PPP6R2: variants seen among roughly 807,000 people sequenced by gnomAD.
The protein encoded by PPP6R2 is serine/threonine-protein phosphatase 6 regulatory subunit 2.
A neutral mutation model predicts 100.2 loss-of-function variants in PPP6R2; 62 were observed. That is an observed-to-expected ratio of 0.62 (90% CI 0.50 to 0.76). The LOEUF (loss-of-function observed/expected upper bound fraction) is 0.76. Among genes scored for constraint, PPP6R2 ranks in the 30% least tolerant of loss-of-function variants. The probability of loss-of-function intolerance (pLI) is 0.00; values close to 1 mark genes in which losing one functional copy is unlikely to be tolerated. For missense variants in PPP6R2, 1,142 were observed against 1,276.3 expected, an observed-to-expected ratio of 0.89 and a Z score of 1.60; for synonymous variants, 525 against 514.7, an observed-to-expected ratio of 1.02 and a Z score of -0.27.
intron 22 of PPP6R2, 24 bp downstream of exon 22, chr22:50,441,050 G>A: frequency 6.6e-7 from 1 of 1,511,006 alleles, no homozygotes; most frequent in Non-Finnish European, 8.9e-7. Flanking sequence ...GGCGGGGGCG[G>A]GCCTGCCGGG....
rs182143622 is a variant in PPP6R2 at position 50,438,474 on chromosome 22, G to A, written c.1965-125G>A. 753 of 1,424,684 alleles carry A rather than the reference G, an allele frequency of 5.3e-4. 8 individuals are homozygous for A. The East Asian group carries it at 0.016, about 30-fold the overall frequency. The allele number at this position is 1,424,684 out of a possible 1,614,324, so 88.3% of individuals were successfully genotyped here. A position where few individuals can be genotyped will look rare whatever the true frequency, so the allele number is the denominator to read the frequency against. ...GGAGCCCAGAGCTGAGGCCTGGAGC[G>A]TCTCGTGCTCCTCTCTCGAGACGAT... On this transcript the variant is annotated intron_variant, in intron 18 of 23. Coordinates refer to ENST00000612753, the MANE Select transcript of PPP6R2 (RefSeq NM_001242898.2).
At chr22:50,424,555 A>G (rs2061801660) in intron 10 of PPP6R2, among the ~76,000 whole-genome samples, 1 of 150,682 alleles carries the variant, frequency 6.6e-6, no homozygotes, top group South Asian at 2.1e-4. Context: ...AGTTCTGGGC[A>G]CTGCTTTGGC....
In PPP6R2 at chr22:50,428,344, T is replaced by C. The variant is rs117231633; in HGVS notation, c.1126-2829T>C. ...GCTGCTTTTTTGTGTGTCAATTTTG[T>C]ATTCTAGAACTTTGCTGAATTCATT... On this transcript the variant is annotated intron_variant, in intron 10 of 23. Transcript: ENST00000612753. Among the ~76,000 whole-genome samples, 999 of 152,372 alleles carry C rather than the reference T, an allele frequency of 6.6e-3. 3 individuals are homozygous for C. Among genetic ancestry groups the C allele is most frequent in the South Asian group, 0.026 (125 of 4,826 alleles).
Position 50,405,279 on chromosome 22 carries a change from C to T in PPP6R2, c.228-1410C>T, listed in dbSNP as rs182527954. 6.3e-3 allele frequency among the ~76,000 whole-genome samples: 728 copies of T among 115,572 alleles called. 4 individuals carry two copies. The highest frequency in any genetic ancestry group is 0.011 in the Non-Finnish European group (569 of 53,456). The allele number at this position is 115,572 out of a possible 152,430, so 75.8% of individuals were successfully genotyped here. A position where few individuals can be genotyped will look rare whatever the true frequency, so the allele number is the denominator to read the frequency against. ...GGAGGGAGGCAAGAGGCCTGGCAGG[C>T]GAGTGCGAAGGCCTGGAGGGAGGTG... On this transcript the variant is annotated intron_variant, in intron 3 of 23. Transcript: ENST00000612753.
intron 2 of PPP6R2, among the ~76,000 whole-genome samples, chr22:50,385,018 G>A (rs980193030): frequency 6.6e-6 from 1 of 151,992 alleles, no homozygotes; most frequent in African/African-American, 2.4e-5. Context: ...CATAGTTCTG[G>A]GATCACAGGC....
chr22:50,419,207 C>T, intron 7 of PPP6R2, 142 bp from the exon 8 acceptor site: 1 of 779,244 alleles, frequency 1.3e-6, no homozygotes, highest in South Asian at 1.7e-5. Context: ...GCAGGAGTGT[C>T]CTGAGAACCC....
intron 10 of PPP6R2, among the ~76,000 whole-genome samples, chr22:50,425,987 T>G (rs555209312): frequency 6.6e-6 from 1 of 152,318 alleles, no homozygotes; most frequent in South Asian, 2.1e-4. Context: ...TAAAAAATTT[T>G]TTTTAGATGT....
At chr22:50,374,898 C>T (rs1413237104) in intron 2 of PPP6R2, among the ~76,000 whole-genome samples, 2 of 117,242 alleles carry the variant, frequency 1.7e-5, no homozygotes, top group Non-Finnish European at 1.6e-5. Flanking sequence ...TGGGCGAGAG[C>T]GAGACTCTGT....
At chr22:50,394,259 C>G in intron 3 of PPP6R2, 124 bp downstream of exon 3, 1 of 1,441,162 alleles carries the variant, frequency 6.9e-7, no homozygotes, top group Middle Eastern at 2.5e-4. Context: ...AAATCCACCC[C>G]ATGTGAGAAG....
In PPP6R2 at chr22:50,434,666, C is replaced by T. The variant is rs541972793; in HGVS notation, c.1401-300C>T. ...GGGGGCATGGATGCTGGGCAGGGGC[C>T]GGGCACTTGCCCTGGAGGTGAACCT... On this transcript the variant is annotated intron_variant, in intron 12 of 23. Transcript: ENST00000612753. Among the ~76,000 whole-genome samples the T allele has an allele frequency of 4.0e-5, 4 of 99,992 alleles. 1 individual carries two copies. Among genetic ancestry groups the T allele is most frequent in the South Asian group, 3.6e-4 (1 of 2,768 alleles). 65.6% of individuals were successfully genotyped at this position (99,992 alleles called of 152,430 possible). A position where few individuals can be genotyped will look rare whatever the true frequency, so the allele number is the denominator to read the frequency against.
chr22:50,348,823 T>G (rs1425282139), intron 1 of PPP6R2, among the ~76,000 whole-genome samples: 3 of 151,908 alleles, frequency 2.0e-5, no homozygotes. Context: ...ATCCCAGCAC[T>G]TTGGGAGGCT....
chr22:50,380,401 C>G (rs577044404), intron 2 of PPP6R2, among the ~76,000 whole-genome samples: 1 of 150,122 alleles, frequency 6.7e-6, no homozygotes, highest in African/African-American at 2.5e-5. Context: ...CTCTCTGCCA[C>G]CCAGGCTGGA....
At position 50,406,794 on chromosome 22, in the gene PPP6R2, C is replaced by T. The variant is rs535431550; in HGVS notation, c.333C>T (p.Asp111=). 4 of 1,614,110 alleles carry T rather than the reference C, an allele frequency of 2.5e-6. No homozygotes were observed. The highest frequency in any genetic ancestry group is 4.5e-5 in the East Asian group (2 of 44,882). Residue 111 remains aspartate (D), a synonymous_variant, in exon 4 of 24, where the codon GAC becomes GAT. Coordinates refer to ENST00000612753, the MANE Select transcript of PPP6R2 (RefSeq NM_001242898.2). ...SLLSLLYDFL[D]HEPPLNPLLA... ...TGAGCCTCCTGTACGACTTCTTGGA[C>T]CATGAGCCGCCTCTCAATCCTCTGC...
intron 2 of PPP6R2, among the ~76,000 whole-genome samples, chr22:50,375,722 C>T (rs1019658493): frequency 2.6e-5 from 4 of 151,504 alleles, no homozygotes; most frequent in Non-Finnish European, 4.4e-5. Context: ...TCAGGGAAAT[C>T]GGGCATGAAT....
chr22:50,342,551 T>C (rs74875961), upstream of PPP6R2, among the ~76,000 whole-genome samples: 1 of 152,202 alleles, frequency 6.6e-6, no homozygotes, highest in Admixed American at 6.5e-5. Flanking sequence ...GCCGCCCAGA[T>C]ACGCTTTCGC....
At chr22:50,382,187 A>G (rs568518125) in intron 2 of PPP6R2, among the ~76,000 whole-genome samples, 3 of 152,330 alleles carry the variant, frequency 2.0e-5, no homozygotes, top group South Asian at 4.1e-4. Context: ...GAAACAATCT[A>G]TTATTCGTTG....
Position 50,438,717 on chromosome 22 carries a change from G to T in PPP6R2, c.2083G>T (p.Ala695Ser), listed in dbSNP as rs2064936761. The T allele has an allele frequency of 1.3e-5, 21 of 1,612,700 alleles. No homozygotes were observed. Among genetic ancestry groups the T allele is most frequent in the Non-Finnish European group, 1.8e-5 (21 of 1,179,458 alleles). Residue 695 changes from alanine to serine, a missense_variant, in exon 19 of 24, where the codon GCC becomes TCC. Ala to Ser is a moderately conservative substitution (Grantham distance 99). Coordinates refer to ENST00000612753, the MANE Select transcript of PPP6R2 (RefSeq NM_001242898.2). ...RDAPGAGAPP[A>S]PGKKEAPPVE... is the part of the protein sequence containing the mutation. The stretch of plus-strand genomic sequence containing the variant: ...TGCACCTGGGGCAGGTGCCCCACCG[G>T]CCCCCGGGAAGAAGGAAGCGCCCCC...
In PPP6R2 at chr22:50,417,666, C is replaced by T. The variant is rs144867760; in HGVS notation, c.619-1201C>T. ...CTGATCAGACAGACAGGAGAGGCCACGTTGGCGTCTGTAGGAAACAAGGAG... is the reference window on the plus strand; with the variant it reads ...CTGATCAGACAGACAGGAGAGGCCATGTTGGCGTCTGTAGGAAACAAGGAG... On this transcript the variant is annotated intron_variant, in intron 6 of 23. Coordinates refer to ENST00000612753, the MANE Select transcript of PPP6R2 (RefSeq NM_001242898.2). Among the ~76,000 whole-genome samples the T allele has an allele frequency of 3.3e-5, 5 of 152,256 alleles. No homozygotes were observed. The East Asian group carries it at 7.7e-4, about 24-fold the overall frequency.
At chr22:50,346,332 C>A (rs1393482299) in intron 1 of PPP6R2, among the ~76,000 whole-genome samples, 1 of 37,542 alleles carries the variant, frequency 2.7e-5, no homozygotes, top group African/African-American at 1.1e-4. Flanking sequence ...AGTGCCCCCC[C>A]AGTCAGTTCC....
Sources: allele counts gnomAD v4.1 joint callset (sites outside exome capture counted in the v4.1 genomes callset), GRCh38; gene constraint gnomAD v4.1.1; transcripts MANE v1.5; gene names NCBI Gene and HGNC (gene_info 2026-07-23, HGNC 2026-07-21).